The following NAA38 variants were observed in gnomAD, a reference collection of about 807,000 sequenced individuals.
NAA38 encodes the protein N-alpha-acetyltransferase 38, NatC auxiliary subunit, also known as LSM domain containing 1.
Under a neutral mutation model 12.6 loss-of-function variants are expected in NAA38, and 15 were observed. That is an observed-to-expected ratio of 1.19 (90% CI 0.79 to 1.83). NAA38 has a LOEUF of 1.83. Among genes scored for constraint, NAA38 ranks in the 40% most tolerant of loss-of-function variants. The pLI, the probability that NAA38 is intolerant of heterozygous loss-of-function variation, is 0.00. For synonymous variants in NAA38, 88 were observed against 69.9 expected, an observed-to-expected ratio of 1.26 and a Z score of -1.29; for missense variants, 183 against 171.7, an observed-to-expected ratio of 1.07 and a Z score of -0.37.
At chr17:7,859,471 G>T, upstream of NAA38, 2 of 1,614,126 alleles carry the variant, frequency 1.2e-6, no homozygotes, top group Non-Finnish European at 1.7e-6. Context: ...AATATGAAGG[G>T]AAGAACCTGA....
intron 2 of NAA38, among the ~76,000 whole-genome samples, chr17:7,871,399 A>C (rs1327640484): frequency 6.6e-6 from 1 of 152,212 alleles, no homozygotes; most frequent in Non-Finnish European, 1.5e-5. Context: ...AAAGTCAGCA[A>C]TCATCATCCT....
chr17:7,867,440 G>A (rs569243153), intron 2 of NAA38, among the ~76,000 whole-genome samples: 1 of 152,262 alleles, frequency 6.6e-6, no homozygotes, highest in East Asian at 1.9e-4. Flanking sequence ...CCAGGTTTAA[G>A]CAATTCTCCT....
At chr17:7,858,849 G>A, upstream of NAA38, 2 of 1,509,654 alleles carry the variant, frequency 1.3e-6, no homozygotes, top group Non-Finnish European at 1.8e-6. Context: ...CAAGGAGCAG[G>A]TTAGAAGGAA....
intron 2 of NAA38, 54 bp from the exon 3 acceptor site, chr17:7,856,897 T>G (rs1191097155): frequency 6.3e-7 from 1 of 1,597,302 alleles, no homozygotes; most frequent in African/African-American, 1.3e-5. Flanking sequence ...GTCCCGCCCC[T>G]CTGAGCCACG....
intron 3 of NAA38, chr17:7,863,730 C>T (rs1196656248): frequency 6.6e-6 from 1 of 151,934 alleles, no homozygotes; most frequent in Non-Finnish European, 1.5e-5. Flanking sequence ...TCCAAATAGC[C>T]CAACCCCCTA....
At chr17:7,857,913 C>G, upstream of NAA38, 35 of 1,419,190 alleles carry the variant, frequency 2.5e-5, no homozygotes, top group Non-Finnish European at 3.2e-5. Context: ...ATATGCCCCA[C>G]GCGGGACTCA....
In NAA38 at chr17:7,857,369, G is replaced by A; in HGVS notation, c.81+14C>T. ...TGACTGCCCCTCAGTCCCAGAACCA[G>A]AGCCCGTGCTAACCCCAGCACTGGA... On this transcript the variant is annotated intron_variant, in intron 1 of 2. Transcript: ENST00000575771. The A allele has an allele frequency of 6.2e-7, 1 of 1,612,730 alleles. No individual in the cohort carries two copies. The highest frequency in any genetic ancestry group is 8.5e-7 in the Non-Finnish European group (1 of 1,179,642).
intron 2 of NAA38, among the ~76,000 whole-genome samples, chr17:7,881,577 C>A: frequency 6.6e-6 from 1 of 150,858 alleles, no homozygotes; most frequent in East Asian, 2.0e-4. Flanking sequence ...AGAGAAGAAG[C>A]AAAGGAAGAA....
chr17:7,859,864 AG>A (rs773062995), upstream of NAA38: 10 of 497,538 alleles, frequency 2.0e-5, no homozygotes, highest in Non-Finnish European at 3.6e-5. Flanking sequence ...AGGGAGATGT[AG>A]AAGAGGATAG....
chr17:7,856,886 A>T (rs368623658), intron 2 of NAA38, 43 bp from the exon 3 acceptor site: 30 of 1,602,430 alleles, frequency 1.9e-5, no homozygotes, highest in Non-Finnish European at 6.8e-6. Context: ...GGCCAGAATC[A>T]GTCCCGCCCC....
intron 2 of NAA38, among the ~76,000 whole-genome samples, chr17:7,877,675 A>T (rs1967199385): frequency 6.6e-6 from 1 of 152,174 alleles, no homozygotes; most frequent in East Asian, 1.9e-4. Context: ...GTTTCTCTAT[A>T]ATAAATGGTG....
At chr17:7,857,665 G>A (rs3744251), upstream of NAA38, 106,022 of 1,324,610 alleles carry the variant, frequency 0.08, 6,124 homozygotes, top group East Asian at 0.36. Flanking sequence ...GTACTACGCC[G>A]GATGTCTTAA....
chr17:7,881,521 T>G (rs1025220410), intron 2 of NAA38, among the ~76,000 whole-genome samples: 1 of 151,778 alleles, frequency 6.6e-6, no homozygotes, highest in Non-Finnish European at 1.5e-5. Flanking sequence ...AAGGGGTTAC[T>G]GAGAGGTTTA....
intron 2 of NAA38, among the ~76,000 whole-genome samples, chr17:7,874,434 C>G (rs1967138293): frequency 6.6e-6 from 1 of 152,036 alleles, no homozygotes; most frequent in Non-Finnish European, 1.5e-5. Flanking sequence ...GATGGCAGGA[C>G]TAAGCCAGAT....
At chr17:7,881,958 C>T (rs974918179) in intron 2 of NAA38, among the ~76,000 whole-genome samples, 2 of 148,028 alleles carry the variant, frequency 1.4e-5, no homozygotes, top group African/African-American at 4.9e-5. Flanking sequence ...CAGGCAGACA[C>T]CATAACAGGA....
chr17:7,857,984 A>C (rs1450554679), upstream of NAA38: 53 of 1,495,154 alleles, frequency 3.5e-5, no homozygotes, highest in South Asian at 1.3e-4. Context: ...ATCTCAGTGG[A>C]CGGTGGCCGG....
intron 2 of NAA38, among the ~76,000 whole-genome samples, chr17:7,870,450 T>A (rs1967066243): frequency 6.6e-6 from 1 of 152,078 alleles, no homozygotes; most frequent in South Asian, 2.1e-4. Flanking sequence ...GCAGACCAGA[T>A]AAAATCTTTT....
Position 7,857,453 on chromosome 17 carries a change from G to A in NAA38, c.11C>T (p.Ala4Val). The A allele has an allele frequency of 1.3e-6, 2 of 1,541,700 alleles. No homozygotes were observed. The highest frequency in any genetic ancestry group is 2.4e-5 in the South Asian group (2 of 81,802). The change falls in exon 1 of 3, where the codon GCT becomes GTT. Residue 4 changes from alanine (A) to valine (V), a missense_variant. By Grantham distance (64) the Ala-to-Val change is moderately conservative. Transcript: ENST00000575771. Reference protein sequence around the residue: MAGAGPTMLLREEN... With the variant: MAGVGPTMLLREEN... ...TTCTCGTAGCAGCATGGTCGGTCCA[G>A]CTCCGGCCATTTGCCCGGAGGCCTC... is the stretch of plus-strand genomic sequence containing the variant.
intron 2 of NAA38, among the ~76,000 whole-genome samples, chr17:7,877,434 T>C (rs902137589): frequency 5.9e-5 from 9 of 151,324 alleles, no homozygotes; most frequent in African/African-American, 9.7e-5. Context: ...TGTCTCTACA[T>C]ACAGAAGTAA....
Sources: allele counts gnomAD v4.1 joint callset (sites outside exome capture counted in the v4.1 genomes callset), GRCh38; gene constraint gnomAD v4.1.1; transcripts MANE v1.5; gene names NCBI Gene and HGNC (gene_info 2026-07-23, HGNC 2026-07-21).